MINDY4: variants seen among roughly 807,000 people sequenced by gnomAD.
The protein encoded by MINDY4 is probable ubiquitin carboxyl-terminal hydrolase MINDY-4.
A neutral mutation model predicts 87.0 loss-of-function variants in MINDY4; 68 were observed. The observed-to-expected ratio is 0.78, with a 90% CI of 0.64 to 0.96. MINDY4 has a LOEUF of 0.96. Among genes scored for constraint, MINDY4 ranks in the 40% least tolerant of loss-of-function variants. MINDY4 has a pLI of 0.00. For synonymous variants in MINDY4, 379 were observed against 363.2 expected, an observed-to-expected ratio of 1.04 and a Z score of -0.50; for missense variants, 919 against 928.2, an observed-to-expected ratio of 0.99 and a Z score of 0.13.
chr7:30,855,444 G>A (rs1366141632), intron 12 of MINDY4, among the ~76,000 whole-genome samples: 2 of 152,210 alleles, frequency 1.3e-5, no homozygotes, highest in Non-Finnish European at 2.9e-5. Flanking sequence ...AGGGTGGCCA[G>A]GAATGGGATC....
In MINDY4 at chr7:30,840,841, T is replaced by C. The variant is rs1450599105; in HGVS notation, c.1438T>C (p.Cys480Arg). Residue 480 changes from cysteine (C) to arginine (R), a missense_variant, in exon 9 of 18, where the codon TGT becomes CGT. By Grantham distance (180) the Cys-to-Arg change is radical (BLOSUM62 -3). Transcript: ENST00000265299. ...LLFEGDSKAD[C>R]AQGLQPSDAH... ...GTTTGAAGGAGATAGCAAAGCCGAC[T>C]GTGCTCAGTAAGTCAGTGCTCTTTC... The C allele has an allele frequency of 1.2e-6, 2 of 1,614,000 alleles. No homozygotes were observed. The highest frequency in any genetic ancestry group is 8.5e-7 in the Non-Finnish European group (1 of 1,179,882).
chr7:30,887,224 A>C (rs1457300818), intron 17 of MINDY4, among the ~76,000 whole-genome samples: 2 of 152,028 alleles, frequency 1.3e-5, no homozygotes, highest in African/African-American at 4.8e-5. Flanking sequence ...CACCCATCGG[A>C]GGAGCATTCT....
At chr7:30,825,520 G>A (rs1388895400) in intron 5 of MINDY4, among the ~76,000 whole-genome samples, 1 of 152,234 alleles carries the variant, frequency 6.6e-6, no homozygotes, top group Non-Finnish European at 1.5e-5. Flanking sequence ...TTGTCCTGCG[G>A]TCTGCAGGAA....
chr7:30,810,930 A>G (rs1787976745), intron 5 of MINDY4, among the ~76,000 whole-genome samples: 1 of 152,200 alleles, frequency 6.6e-6, no homozygotes, highest in South Asian at 2.1e-4. Context: ...CACATTTGAA[A>G]GAAAAAGTCA....
At chr7:30,807,505 A>T (rs73300082) in intron 5 of MINDY4, among the ~76,000 whole-genome samples, 111 of 149,144 alleles carry the variant, frequency 7.4e-4, no homozygotes, top group Middle Eastern at 6.8e-3. Flanking sequence ...TTTTAGATTT[A>T]AAAAAAAAAG....
intron 5 of MINDY4, among the ~76,000 whole-genome samples, chr7:30,808,249 T>G (rs1462383794): frequency 6.6e-6 from 1 of 152,204 alleles, no homozygotes; most frequent in Non-Finnish European, 1.5e-5. Context: ...TGAAACTTGG[T>G]AAGACTAGTC....
intron 12 of MINDY4, 68 bp from the exon 13 acceptor site, chr7:30,859,189 C>T: frequency 6.7e-7 from 1 of 1,492,106 alleles, no homozygotes. Context: ...GTGGCTCCCA[C>T]AGAGGTGTGG....
At chr7:30,809,630 A>G (rs532969596) in intron 5 of MINDY4, among the ~76,000 whole-genome samples, 1 of 152,278 alleles carries the variant, frequency 6.6e-6, no homozygotes, top group African/African-American at 2.4e-5. Context: ...GATAATTAAA[A>G]TCCCAAACTT....
At chr7:30,877,162 G>A (rs894391719) in intron 15 of MINDY4, among the ~76,000 whole-genome samples, 1 of 152,116 alleles carries the variant, frequency 6.6e-6, no homozygotes, top group African/African-American at 2.4e-5. Flanking sequence ...GAAGCACCAG[G>A]GCTCTCGAGC....
At chr7:30,787,068 G>T (rs1787179533) in intron 4 of MINDY4, among the ~76,000 whole-genome samples, 1 of 152,212 alleles carries the variant, frequency 6.6e-6, no homozygotes, top group Non-Finnish European at 1.5e-5. Flanking sequence ...AATTAGGATG[G>T]AAAGAAGTGA....
intron 5 of MINDY4, among the ~76,000 whole-genome samples, chr7:30,827,162 T>C (rs1290353975): frequency 6.6e-6 from 1 of 152,102 alleles, no homozygotes; most frequent in Non-Finnish European, 1.5e-5. Flanking sequence ...TGCAGGATGT[T>C]GGAGAGATGT....
intron 9 of MINDY4, 78 bp downstream of exon 9, chr7:30,840,926 G>A: frequency 1.6e-6 from 2 of 1,263,030 alleles, no homozygotes; most frequent in Non-Finnish European, 2.3e-6. Context: ...AAGCAAGGAA[G>A]CATGTGTGTT....
chr7:30,784,663 G>C (rs1207902522), intron 3 of MINDY4, among the ~76,000 whole-genome samples: 1 of 152,224 alleles, frequency 6.6e-6, no homozygotes, highest in Non-Finnish European at 1.5e-5. Flanking sequence ...CTGGGGCTGG[G>C]CCTTCTGGGG....
At chr7:30,799,199 A>G (rs1351051917) in intron 5 of MINDY4, among the ~76,000 whole-genome samples, 17 of 152,032 alleles carry the variant, frequency 1.1e-4, no homozygotes, top group South Asian at 2.1e-4. Flanking sequence ...TGGCTCCCCA[A>G]TTCTACCCTC....
chr7:30,866,202 C>T (rs1024031060), intron 13 of MINDY4, among the ~76,000 whole-genome samples: 2 of 152,220 alleles, frequency 1.3e-5, no homozygotes, highest in African/African-American at 2.4e-5. Context: ...TCAAGACCCT[C>T]GGTCCTGTGT....
chr7:30,773,144 C>T (rs967816325), intron 1 of MINDY4, among the ~76,000 whole-genome samples: 9 of 152,210 alleles, frequency 5.9e-5, no homozygotes, highest in African/African-American at 1.7e-4. Context: ...GCTTTCTCAT[C>T]GCCTTCTGCT....
intron 12 of MINDY4, chr7:30,859,029 T>C (rs1426303827): frequency 7.0e-6 from 5 of 709,458 alleles, no homozygotes; most frequent in African/African-American, 1.8e-5. Context: ...GATGCTCTCT[T>C]TGGTGGCCCC....
chr7:30,786,134 T>A, intron 4 of MINDY4, 142 bp downstream of exon 4: 1 of 1,127,914 alleles, frequency 8.9e-7, no homozygotes, highest in Non-Finnish European at 1.3e-6. Flanking sequence ...GAACAGTGCC[T>A]CTGTTTTCTC....
Position 30,836,688 on chromosome 7 carries a change from A to G in MINDY4, c.1163A>G (p.Glu388Gly). The G allele has an allele frequency of 6.2e-7, 1 of 1,614,164 alleles. No homozygotes were observed. The highest frequency in any genetic ancestry group is 1.1e-5 in the South Asian group (1 of 91,078). Residue 388 changes from glutamate (E) to glycine (G), a missense_variant, in exon 7 of 18, where the codon GAG (glutamate) becomes GGG (glycine). Transcript: ENST00000265299. ...GTGGAGGATGAGTTGATAAGGGAAG[A>G]GGTCATCCTGTCGCCAGTCCCATCA... Reference protein sequence around the residue: ...EDVEDELIREEVILSPVPSVL... With the variant: ...EDVEDELIREGVILSPVPSVL...
Sources: gnomAD v4.1 joint callset for allele counts (sites outside exome capture counted in the v4.1 genomes callset) on GRCh38, gnomAD v4.1.1 for gene constraint, MANE v1.5 for transcripts, NCBI Gene and HGNC (gene_info 2026-07-23, HGNC 2026-07-21) for gene names.